OGFOD2: variants seen among roughly 807,000 people sequenced by gnomAD.
OGFOD2 encodes 2-oxoglutarate and iron dependent oxygenase domain containing 2.
Under a neutral mutation model 31.1 loss-of-function variants are expected in OGFOD2, and 34 were observed. The ratio of observed to expected loss-of-function variants is 1.09; its 90% CI spans 0.83 to 1.45. The LOEUF (loss-of-function observed/expected upper bound fraction) is 1.45, where lower values mean the gene tolerates loss of function less well. Among genes scored for constraint, OGFOD2 ranks in the 40% most tolerant of loss-of-function variants. The pLI, the probability that OGFOD2 is intolerant of heterozygous loss-of-function variation, is 0.00. For synonymous variants in OGFOD2, 240 were observed against 192.3 expected, an observed-to-expected ratio of 1.25 and a Z score of -2.05; for missense variants, 537 against 433.9, an observed-to-expected ratio of 1.24 and a Z score of -2.11.
exon 7 of OGFOD2, chr12:122,979,130 C>T (rs1363220983): frequency 6.2e-7 from 1 of 1,605,258 alleles, no homozygotes; most frequent in East Asian, 2.2e-5. Context: ...ACGTGGTGGG[C>T]CAGGGTGTCC....
At chr12:122,979,366 G>T (rs772855464) in exon 7 of OGFOD2, 5 of 1,578,588 alleles carry the variant, frequency 3.2e-6, no homozygotes, top group South Asian at 1.1e-5. Flanking sequence ...GGCCCAGTGT[G>T]GGGGTGGCAG....
intron 4 of OGFOD2, chr12:122,978,239 C>T: frequency 3.4e-6 from 2 of 589,298 alleles, no homozygotes; most frequent in Non-Finnish European, 5.9e-6. Context: ...CTTGTAGAGT[C>T]TGGGGAAAGG....
At chr12:122,976,578 C>T in intron 2 of OGFOD2, 76 bp from the exon 3 acceptor site, 1 of 1,306,978 alleles carries the variant, frequency 7.7e-7, no homozygotes, top group Non-Finnish European at 1.1e-6. Flanking sequence ...GCGTTCTGGG[C>T]TTCAGTTTCT....
rs1234194530 is a variant in OGFOD2 at position 122,975,797 on chromosome 12, C to T, written c.133-14C>T. 4 of 702,758 alleles carry T rather than the reference C, an allele frequency of 5.7e-6. No individual in the cohort carries two copies. The highest frequency in any genetic ancestry group is 3.5e-5 in the African/African-American group (2 of 57,240). 43.5% of individuals were successfully genotyped at this position (702,758 alleles called of 1,614,324 possible). ...AGGTCATACAGTCATGCTCAGTGTT[C>T]TTTCTGCTCCCAGATCCTGCGCAGC... On this transcript the variant is annotated splice_polypyrimidine_tract_variant and intron_variant, in intron 1 of 6. Coordinates refer to ENST00000228922, the Ensembl canonical transcript of OGFOD2.
At chr12:122,975,474 C>T in intron 1 of OGFOD2, 91 bp downstream of exon 1, 1 of 599,030 alleles carries the variant, frequency 1.7e-6, no homozygotes, top group Non-Finnish European at 3.0e-6. Flanking sequence ...GCTTTGCGCA[C>T]GCCGCGCACC....
At chr12:122,978,872 C>A (rs1422098815) in exon 6 of OGFOD2, 2 of 1,612,016 alleles carry the variant, frequency 1.2e-6, no homozygotes, top group South Asian at 1.1e-5. Flanking sequence ...TCGACAGCCA[C>A]CGGGCCTTTG....
At chr12:122,978,710 C>T (rs938965059) in intron 5 of OGFOD2, 43 bp from the exon 6 acceptor site, 2 of 1,591,848 alleles carry the variant, frequency 1.3e-6, no homozygotes, top group Non-Finnish European at 1.7e-6. Flanking sequence ...CCCAGGGTTG[C>T]AGCCCTCTAG....
chr12:122,978,479 G>T (rs375496902), exon 5 of OGFOD2: 3 of 1,613,578 alleles, frequency 1.9e-6, no homozygotes, highest in Non-Finnish European at 2.5e-6. Flanking sequence ...TTTTCACAGC[G>T]CCCTTCTGCC....
intron 4 of OGFOD2, 149 bp from the exon 5 acceptor site, chr12:122,978,293 C>T (rs1261833174): frequency 2.6e-5 from 25 of 959,466 alleles, no homozygotes; most frequent in Non-Finnish European, 3.5e-5. Context: ...CTCCCCTGCT[C>T]CTCATGTTAC....
chr12:122,978,465 C>A, exon 5 of OGFOD2: 1 of 1,613,602 alleles, frequency 6.2e-7, no homozygotes, highest in Non-Finnish European at 8.5e-7. Context: ...CTACCGGGTG[C>A]CTGTTTTCAC....
At chr12:122,975,658 C>T in intron 1 of OGFOD2, 153 bp from the exon 2 acceptor site, 1 of 632,150 alleles carries the variant, frequency 1.6e-6, no homozygotes, top group Non-Finnish European at 2.9e-6. Flanking sequence ...GGAGCCCTGT[C>T]CTGAGCTTGA....
Position 122,979,904 on chromosome 12 carries a change from T to A in OGFOD2, c.*558T>A, listed in dbSNP as rs1294287721. 14 of 281,336 alleles carry A rather than the reference T, an allele frequency of 5.0e-5. No homozygotes were observed. The East Asian group carries it at 8.6e-4, about 17-fold the overall frequency. The allele number at this position is 281,336 out of a possible 1,614,324, so 17.4% of individuals were successfully genotyped here. ...AGGAACCAGGCTGCCCGGGTTCCCA[T>A]TCTGCTTCTGCCACTTCCAGCTGTG... On this transcript the variant is annotated 3_prime_UTR_variant, in exon 7 of 7. Transcript: ENST00000228922.
upstream of OGFOD2, chr12:122,974,915 G>T: frequency 4.7e-6 from 1 of 211,882 alleles, no homozygotes; most frequent in African/African-American, 2.3e-5. Context: ...AGACGGCGGG[G>T]GGTGGGTCGG....
chr12:122,979,268 C>G, exon 7 of OGFOD2: 1 of 1,612,996 alleles, frequency 6.2e-7, no homozygotes, highest in South Asian at 1.1e-5. Flanking sequence ...GTGAGCCCGA[C>G]CTGGTGGACG....
chr12:122,978,021 G>T, intron 4 of OGFOD2: 1 of 161,934 alleles, frequency 6.2e-6, no homozygotes, highest in Non-Finnish European at 1.4e-5. Flanking sequence ...CCTTCCTGCT[G>T]GGGGACAGAG....
At chr12:122,979,907 TGCTTCTG>T in exon 7 of OGFOD2, 1 of 293,488 alleles carries the variant, frequency 3.4e-6, no homozygotes, top group Non-Finnish European at 6.2e-6. Context: ...GTTCCCATTC[TGCTTCTG>T]CCACTTCCAG....
chr12:122,975,244 G>C (rs973163495), exon 1 of OGFOD2: 2 of 671,356 alleles, frequency 3.0e-6, no homozygotes, highest in African/African-American at 1.8e-5. Context: ...GGCTGTGGGT[G>C]CTTCACTATG....
rs377669900 is a variant in OGFOD2 at position 122,976,915 on chromosome 12, C to T, written c.348C>T (p.Ser116=). The change falls in exon 4 of 7, where the codon AGC becomes AGT. Residue 116 remains serine (S), a synonymous_variant. Coordinates refer to ENST00000228922, the Ensembl canonical transcript of OGFOD2. ...AGTTCCTGGCCGTGACTGAGTACAGCGTGTCCCCAGACGCAGACCTCAAGG... is the reference window on the plus strand; with the variant it reads ...AGTTCCTGGCCGTGACTGAGTACAGTGTGTCCCCAGACGCAGACCTCAAGG... 178 of 1,613,288 alleles carry T rather than the reference C, an allele frequency of 1.1e-4. 1 individual carries two copies. The highest frequency in any genetic ancestry group is 4.7e-4 in the East Asian group (21 of 44,872).
chr12:122,976,287 C>T, intron 2 of OGFOD2: 2 of 1,301,806 alleles, frequency 1.5e-6, no homozygotes, highest in Non-Finnish European at 2.2e-6. Context: ...CTCCCTCCTC[C>T]TCCTTCCCCT....
Sources: gnomAD v4.1 joint callset for allele counts on GRCh38, gnomAD v4.1.1 for gene constraint, MANE v1.5 for transcripts, NCBI Gene and HGNC (gene_info 2026-07-23, HGNC 2026-07-21) for gene names.